SLIT2: variants seen among roughly 807,000 people sequenced by gnomAD.
SLIT2 encodes the protein slit guidance ligand 2.
A neutral mutation model predicts 185.7 loss-of-function variants in SLIT2; 41 were observed. The ratio of observed to expected loss-of-function variants is 0.22; its 90% CI spans 0.17 to 0.29. The LOEUF is 0.29. Among genes scored for constraint, SLIT2 ranks in the 10% least tolerant of loss-of-function variants. The pLI, the probability that SLIT2 is intolerant of heterozygous loss-of-function variation, is 1.00. For synonymous variants in SLIT2, 693 were observed against 680.2 expected, an observed-to-expected ratio of 1.02 and a Z score of -0.29; for missense variants, 1,571 against 1,909.0, an observed-to-expected ratio of 0.82 and a Z score of 3.30.
intron 18 of SLIT2, among the ~76,000 whole-genome samples, chr4:20,538,051 C>G (rs1047363442): frequency 2.6e-5 from 4 of 152,204 alleles, no homozygotes; most frequent in Non-Finnish European, 5.9e-5. Context: ...GCTCCACCTC[C>G]CGGGTTCACG....
At chr4:20,385,443 T>C (rs574373470) in intron 4 of SLIT2, among the ~76,000 whole-genome samples, 1 of 152,258 alleles carries the variant, frequency 6.6e-6, no homozygotes, top group Non-Finnish European at 1.5e-5. Flanking sequence ...GATGTGAATA[T>C]ATCAGTGATG....
intron 7 of SLIT2, among the ~76,000 whole-genome samples, chr4:20,487,446 G>A (rs1211712502): frequency 6.6e-6 from 1 of 152,152 alleles, no homozygotes; most frequent in Non-Finnish European, 1.5e-5. Context: ...ACATTCATCT[G>A]AATTTTTGAC....
At chr4:20,436,998 T>C (rs1729382885) in intron 4 of SLIT2, among the ~76,000 whole-genome samples, 3 of 152,182 alleles carry the variant, frequency 2.0e-5, no homozygotes, top group African/African-American at 7.2e-5. Flanking sequence ...TGAGATAACA[T>C]ATGTAAAACA....
intron 5 of SLIT2, among the ~76,000 whole-genome samples, chr4:20,473,262 C>T (rs570317484): frequency 5.5e-4 from 84 of 151,912 alleles, no homozygotes; most frequent in African/African-American, 1.9e-3. Flanking sequence ...TGTCATGAGT[C>T]TTATAATCCT....
At chr4:20,593,105 A>G (rs1727642786) in intron 30 of SLIT2, among the ~76,000 whole-genome samples, 1 of 152,172 alleles carries the variant, frequency 6.6e-6, no homozygotes, top group Non-Finnish European at 1.5e-5. Flanking sequence ...TTGAAATAGA[A>G]AAGTGGATAA....
intron 5 of SLIT2, among the ~76,000 whole-genome samples, chr4:20,480,088 G>T (rs1324900085): frequency 6.6e-6 from 1 of 152,160 alleles, no homozygotes; most frequent in Non-Finnish European, 1.5e-5. Flanking sequence ...TAATGATAAA[G>T]AATGTGAATT....
intron 29 of SLIT2, among the ~76,000 whole-genome samples, chr4:20,580,951 T>A (rs3756152): frequency 0.026 from 3,993 of 151,698 alleles, 118 homozygotes; most frequent in East Asian, 0.14. Context: ...GACGTAAAAA[T>A]GAAAAAAAGA....
intron 4 of SLIT2, among the ~76,000 whole-genome samples, chr4:20,415,084 G>A (rs1481021499): frequency 6.6e-6 from 1 of 152,152 alleles, no homozygotes; most frequent in Non-Finnish European, 1.5e-5. Flanking sequence ...AGTGTGCAGT[G>A]GAAGAAGGAA....
chr4:20,507,045 A>G lies in SLIT2; in HGVS notation c.915-3450A>G, dbSNP rs189369172. On this transcript the variant is annotated intron_variant, in intron 9 of 36. Coordinates refer to ENST00000504154, the MANE Select transcript of SLIT2 (RefSeq NM_004787.4). ...GCTTTCTGTGGTACATGTAAATGCAATAGTTTGCAATGTGAAGATCAGGTC... is the reference window on the plus strand; with the variant it reads ...GCTTTCTGTGGTACATGTAAATGCAGTAGTTTGCAATGTGAAGATCAGGTC... Among the ~76,000 whole-genome samples the G allele has an allele frequency of 6.9e-3, 1,047 of 152,152 alleles. 11 individuals carry two copies. Among genetic ancestry groups the G allele is most frequent in the Non-Finnish European group, 0.011 (731 of 67,912 alleles).
intron 4 of SLIT2, among the ~76,000 whole-genome samples, chr4:20,333,401 T>C (rs1328922504): frequency 6.6e-6 from 1 of 152,188 alleles, no homozygotes; most frequent in African/African-American, 2.4e-5. Flanking sequence ...TGAATCATTC[T>C]TTAAGCACTC....
intron 4 of SLIT2, among the ~76,000 whole-genome samples, chr4:20,418,881 C>T (rs1028106459): frequency 2.0e-5 from 3 of 152,126 alleles, no homozygotes; most frequent in African/African-American, 7.2e-5. Context: ...GAACTGTTTG[C>T]TTTCCAGCAT....
intron 4 of SLIT2, among the ~76,000 whole-genome samples, chr4:20,463,931 T>C (rs1714064049): frequency 6.6e-6 from 1 of 151,438 alleles, no homozygotes; most frequent in South Asian, 2.1e-4. Flanking sequence ...TCCAAATTGC[T>C]CTTTTGATTT....
intron 4 of SLIT2, among the ~76,000 whole-genome samples, chr4:20,284,223 T>C (rs924031454): frequency 2.6e-5 from 4 of 152,234 alleles, no homozygotes; most frequent in Non-Finnish European, 5.9e-5. Flanking sequence ...CCTTCCCATA[T>C]GCAGATGTTT....
At chr4:20,287,913 T>A (rs1323895700) in intron 4 of SLIT2, among the ~76,000 whole-genome samples, 1 of 152,196 alleles carries the variant, frequency 6.6e-6, no homozygotes, top group Non-Finnish European at 1.5e-5. Context: ...TGTATTGATG[T>A]TTAAGTTTTA....
At chr4:20,271,823 A>G (rs1236521199) in intron 4 of SLIT2, among the ~76,000 whole-genome samples, 1 of 152,062 alleles carries the variant, frequency 6.6e-6, no homozygotes, top group Non-Finnish European at 1.5e-5. Flanking sequence ...GAGCTTTGGA[A>G]TAAATAATCG....
At chr4:20,434,277 C>T (rs766258274) in intron 4 of SLIT2, among the ~76,000 whole-genome samples, 1 of 151,022 alleles carries the variant, frequency 6.6e-6, no homozygotes, top group South Asian at 2.1e-4. Context: ...CACGTGAGGT[C>T]GGGAGTTTGA....
intron 4 of SLIT2, among the ~76,000 whole-genome samples, chr4:20,287,574 G>A (rs532082505): frequency 6.6e-6 from 1 of 152,320 alleles, no homozygotes; most frequent in African/African-American, 2.4e-5. Context: ...TGGAAAGACT[G>A]TACCTGATAA....
rs1715511409 is a variant in SLIT2, at chr4:20,472,517, T to TATATCTATATATATATAG, written c.467+4698_467+4699insCTATATATATATAGATAT. ...AGATATATATCTATATATAGATAGA[T>TATATCTATATATATATAG]ATATATCTATATATAGATATATCTA... On this transcript the variant is annotated intron_variant, in intron 5 of 36. Transcript: ENST00000504154. 9.8e-5 allele frequency among the ~76,000 whole-genome samples: 2 copies of TATATCTATATATATATAG among 20,414 alleles called. 1 individual carries two copies. Among genetic ancestry groups the TATATCTATATATATATAG allele is most frequent in the African/African-American group, 6.2e-4 (2 of 3,230 alleles). The allele number at this position is 20,414 out of a possible 152,430, so 13.4% of individuals were successfully genotyped here. A position where few individuals can be genotyped will look rare whatever the true frequency, so the allele number is the denominator to read the frequency against.
At chr4:20,365,826 C>T (rs867504208) in intron 4 of SLIT2, among the ~76,000 whole-genome samples, 18 of 152,264 alleles carry the variant, frequency 1.2e-4, no homozygotes, top group Admixed American at 9.8e-4. Context: ...TTCTCCAGTT[C>T]TGTGTGAGCT....
Sources: allele counts gnomAD v4.1 joint callset (sites outside exome capture counted in the v4.1 genomes callset), GRCh38; gene constraint gnomAD v4.1.1; transcripts MANE v1.5; gene names NCBI Gene and HGNC (gene_info 2026-07-23, HGNC 2026-07-21).